PCDHGA2: variants seen among roughly 807,000 people sequenced by gnomAD.
PCDHGA2 encodes protocadherin gamma subfamily A, 2.
PCDHGA2 carries 40 observed loss-of-function variants against 59.2 expected under a neutral mutation model. The observed-to-expected ratio is 0.68, with a 90% CI of 0.52 to 0.88. PCDHGA2 has a LOEUF of 0.88. Among genes scored for constraint, PCDHGA2 ranks in the 40% least tolerant of loss-of-function variants. PCDHGA2 has a pLI of 0.00. For missense variants in PCDHGA2, 1,226 were observed against 1,204.0 expected (o/e 1.02, Z -0.27); for synonymous variants, 560 against 526.0 (o/e 1.06, Z -0.89).
At chr5:141,345,383 C>T (rs763946038) in intron 1 of PCDHGA2, 3 of 1,614,114 alleles carry the variant, frequency 1.9e-6, no homozygotes, top group South Asian at 1.1e-5. Flanking sequence ...ACAACCCACC[C>T]ACCTTCCCTC....
chr5:141,423,756 GGGGGTGGGGC>G, intron 1 of PCDHGA2: 1 of 448,620 alleles, frequency 2.2e-6, no homozygotes, highest in Non-Finnish European at 3.0e-6. Context: ...TGTTTGGGGG[GGGGGTGGGGC>G]GGCATATATT....
At chr5:141,370,531 T>C (rs373245420) in intron 1 of PCDHGA2, 8 of 1,613,822 alleles carry the variant, frequency 5.0e-6, no homozygotes, top group Middle Eastern at 1.6e-4. Flanking sequence ...AGGGGCTCGC[T>C]GGTAGGGAAC....
intron 3 of PCDHGA2, among the ~76,000 whole-genome samples, chr5:141,509,139 A>G (rs1042555376): frequency 2.6e-5 from 4 of 152,140 alleles, no homozygotes; most frequent in African/African-American, 9.7e-5. Flanking sequence ...ACCGAGGCGC[A>G]TCCCGGCTCT....
At chr5:141,386,804 A>G (rs976518864) in intron 1 of PCDHGA2, among the ~76,000 whole-genome samples, 3 of 152,238 alleles carry the variant, frequency 2.0e-5, no homozygotes, top group Non-Finnish European at 2.9e-5. Context: ...AATTTATTAG[A>G]TGCATAAAAT....
intron 1 of PCDHGA2, among the ~76,000 whole-genome samples, chr5:141,449,594 A>T (rs2098647409): frequency 6.6e-6 from 1 of 150,814 alleles, no homozygotes; most frequent in Non-Finnish European, 1.5e-5. Context: ...GTCTCAAAAA[A>T]AAAAAAAAAA....
chr5:141,374,718 T>A (rs1462422521), intron 1 of PCDHGA2: 6 of 1,609,996 alleles, frequency 3.7e-6, no homozygotes, highest in Non-Finnish European at 5.1e-6. Context: ...CGCCTGGTCC[T>A]TACTGCCATG....
chr5:141,482,350 G>A lies in PCDHGA2; in HGVS notation c.2425-12457G>A, dbSNP rs184055854. ...AGAATATCTACTTTGCAAACTTGTT[G>A]TGAGAGTGAAAAGTAATGCATATAA... On this transcript the variant is annotated intron_variant, in intron 1 of 3. Coordinates refer to ENST00000394576, the MANE Select transcript of PCDHGA2 (RefSeq NM_018915.4). Among the ~76,000 whole-genome samples the A allele has an allele frequency of 5.3e-5, 8 of 152,200 alleles. No individual in the cohort carries two copies. In the East Asian group the frequency reaches 1.4e-3, roughly 26 times the overall value.
At chr5:141,353,216 A>T (rs971443736) in intron 1 of PCDHGA2, among the ~76,000 whole-genome samples, 1 of 152,170 alleles carries the variant, frequency 6.6e-6, no homozygotes, top group African/African-American at 2.4e-5. Context: ...TGTTTCCTAG[A>T]TGTTAACACT....
At chr5:141,384,897 C>T in intron 1 of PCDHGA2, 4 of 1,613,922 alleles carry the variant, frequency 2.5e-6, no homozygotes, top group Non-Finnish European at 3.4e-6. Context: ...CTGTGGCTGA[C>T]AGCATCCCCG....
intron 1 of PCDHGA2, chr5:141,422,357 C>T: frequency 6.4e-7 from 1 of 1,557,656 alleles, no homozygotes; most frequent in South Asian, 1.3e-5. Context: ...GATCAAGATT[C>T]TGGAGAAAAT....
intron 1 of PCDHGA2, among the ~76,000 whole-genome samples, chr5:141,466,868 CA>C (rs1343260699): frequency 1.3e-5 from 2 of 152,100 alleles, no homozygotes; most frequent in African/African-American, 2.4e-5. Flanking sequence ...GAAATCCACA[CA>C]TTTTTTTCAT....
chr5:141,465,312 A>G (rs2099100692), intron 1 of PCDHGA2, among the ~76,000 whole-genome samples: 1 of 152,314 alleles, frequency 6.6e-6, no homozygotes, highest in South Asian at 2.1e-4. Flanking sequence ...GAATTTAGCC[A>G]TGTCAATGCA....
chr5:141,340,203 A>G lies in PCDHGA2; in HGVS notation c.1232A>G (p.Asp411Gly), dbSNP rs1484525882. ...CGACTGGTTACAACCAGAGCCCTTG[A>G]CAGGGAACAGTTTTCCTTTTACAAC... ...YYRLVTTRAL[D>G]REQFSFYNIT... Residue 411 changes from aspartate to glycine, a missense_variant, in exon 1 of 4, where the codon GAC (aspartate) becomes GGC (glycine). By Grantham distance (94) the Asp-to-Gly change is moderately conservative (BLOSUM62 -1). Coordinates refer to ENST00000394576, the MANE Select transcript of PCDHGA2 (RefSeq NM_018915.4). The G allele has an allele frequency of 1.2e-6, 2 of 1,614,126 alleles. No individual in the cohort carries two copies. The highest frequency in any genetic ancestry group is 1.7e-6 in the Non-Finnish European group (2 of 1,179,966).
chr5:141,414,087 A>G (rs377653676), intron 1 of PCDHGA2: 31 of 1,599,656 alleles, frequency 1.9e-5, no homozygotes, highest in Middle Eastern at 3.3e-4. Context: ...ATACTGGAGA[A>G]ATAAAAATAT....
chr5:141,427,626 C>T, intron 1 of PCDHGA2: 1 of 699,934 alleles, frequency 1.4e-6, no homozygotes, highest in Non-Finnish European at 2.6e-6. Flanking sequence ...CGACAATGCT[C>T]CGGTTTTCCA....
chr5:141,364,637 G>A lies in PCDHGA2; in HGVS notation c.2424+23242G>A, dbSNP rs979445562. ...GCTCTGCGCTCAGAGCCCACTGTGT[G>A]TGGTGAACTTTAACATCTTGGTTGA... is the stretch of plus-strand genomic sequence containing the variant. On this transcript the variant is annotated intron_variant, in intron 1 of 3. Transcript: ENST00000394576. 1.7e-5 allele frequency: 28 copies of A among 1,614,030 alleles called. No homozygotes were observed. Among genetic ancestry groups the A allele is most frequent in the Non-Finnish European group, 2.4e-5 (28 of 1,179,966 alleles).
intron 1 of PCDHGA2, chr5:141,395,542 TTG>T (rs55729045): frequency 0.047 from 8,055 of 172,168 alleles, 192 homozygotes; most frequent in African/African-American, 0.072. Flanking sequence ...TTGCTATTGT[TTG>T]TGTGTGTGTG....
chr5:141,400,473 G>T (rs1196529035), intron 1 of PCDHGA2: 1 of 1,613,946 alleles, frequency 6.2e-7, no homozygotes, highest in Non-Finnish European at 8.5e-7. Context: ...ATTCATCTGG[G>T]GCCTTATTTC....
intron 1 of PCDHGA2, chr5:141,419,843 C>T: frequency 6.2e-7 from 1 of 1,614,070 alleles, no homozygotes; most frequent in Non-Finnish European, 8.5e-7. Flanking sequence ...CACGCTGCAC[C>T]TGGTGTTCGC....
Sources: gnomAD v4.1 joint callset for allele counts (sites outside exome capture counted in the v4.1 genomes callset) on GRCh38, gnomAD v4.1.1 for gene constraint, MANE v1.5 for transcripts, NCBI Gene and HGNC (gene_info 2026-07-23, HGNC 2026-07-21) for gene names.